Variants in ZRANB1 observed in about 807,000 individuals in gnomAD.
ZRANB1 encodes the protein ubiquitin thioesterase ZRANB1.
In ZRANB1, 16 loss-of-function variants were observed where a neutral mutation model predicts 80.5. The observed-to-expected ratio is 0.20, with a 90% CI of 0.13 to 0.30. The LOEUF (loss-of-function observed/expected upper bound fraction) is 0.30, where lower values mean the gene tolerates loss of function less well. Ranked by LOEUF, ZRANB1 falls within the 10% of genes least tolerant of loss-of-function variation. The pLI is 1.00. For missense variants in ZRANB1, 576 were observed against 862.6 expected, an observed-to-expected ratio of 0.67 and a Z score of 4.16; for synonymous variants, 291 against 293.1, an observed-to-expected ratio of 0.99 and a Z score of 0.07.
At position 124,942,520 on chromosome 10, in the gene ZRANB1, T is replaced by C. The variant is rs753302032; in HGVS notation, c.27T>C (p.Ala9=). 1.9e-6 allele frequency: 3 copies of C among 1,614,176 alleles called. No individual in the cohort carries two copies. The highest frequency in any genetic ancestry group is 2.5e-6 in the Non-Finnish European group (3 of 1,180,022). The change falls in exon 1 of 9, where the codon GCT becomes GCC. Residue 9 remains alanine, a synonymous_variant. Transcript: ENST00000359653. MSERGIKW[A]CEYCTYENWP... is the part of the protein sequence containing the mutation. ...TGTCAGAACGTGGAATTAAGTGGGCTTGTGAATATTGTACGTATGAAAACT... is the reference window on the plus strand; with the variant it reads ...TGTCAGAACGTGGAATTAAGTGGGCCTGTGAATATTGTACGTATGAAAACT...
At chr10:124,941,012 CA>C (rs987885487), upstream of ZRANB1, among the ~76,000 whole-genome samples, 1 of 151,054 alleles carries the variant, frequency 6.6e-6, no homozygotes, top group Non-Finnish European at 1.5e-5. Context: ...ACAACAACAA[CA>C]AAAAAACAAA....
chr10:124,918,262 C>G, the ZRANB1 span, among the ~76,000 whole-genome samples: 9 of 152,192 alleles, frequency 5.9e-5, no homozygotes, highest in African/African-American at 2.2e-4. Flanking sequence ...GCTATCTCGG[C>G]TCACCGCAAC....
intron 2 of ZRANB1, among the ~76,000 whole-genome samples, chr10:124,967,857 A>G (rs1414876855): frequency 6.6e-6 from 1 of 151,924 alleles, no homozygotes; most frequent in African/African-American, 2.4e-5. Context: ...GAGATTGTGT[A>G]TGAATTATTC....
At chr10:124,948,599 C>T (rs937375113) in intron 1 of ZRANB1, among the ~76,000 whole-genome samples, 2 of 151,046 alleles carry the variant, frequency 1.3e-5, no homozygotes, top group African/African-American at 2.4e-5. Flanking sequence ...CGCTTCTTTT[C>T]TCATGTATTG....
chr10:124,949,425 A>ATATATATATGTTTACACACATATG (rs1161260057), intron 1 of ZRANB1, among the ~76,000 whole-genome samples: 2 of 140,560 alleles, frequency 1.4e-5, no homozygotes, highest in African/African-American at 5.1e-5. Context: ...ATATATATGT[A>ATATATATATGTTTACACACATATG]TATATATATG....
At chr10:124,984,709 C>A in intron 8 of ZRANB1, 65 bp from the exon 9 acceptor site, 1 of 1,519,670 alleles carries the variant, frequency 6.6e-7, no homozygotes, top group Non-Finnish European at 9.0e-7. Flanking sequence ...GTTTCCATGT[C>A]ACATTCCTAC....
At chr10:124,919,157 A>G in the ZRANB1 span, among the ~76,000 whole-genome samples, 1 of 152,352 alleles carries the variant, frequency 6.6e-6, no homozygotes, top group Non-Finnish European at 1.5e-5. Context: ...TAGTTGTACA[A>G]TATATGAGGC....
intron 1 of ZRANB1, among the ~76,000 whole-genome samples, chr10:124,960,150 T>C (rs2134270895): frequency 6.6e-6 from 1 of 152,288 alleles, no homozygotes; most frequent in Admixed American, 6.5e-5. Flanking sequence ...ACATGGGGTC[T>C]GAAACTTTTG....
chr10:124,938,234 C>CA (rs1316411618), upstream of ZRANB1, among the ~76,000 whole-genome samples: 3 of 151,758 alleles, frequency 2.0e-5, no homozygotes, highest in East Asian at 5.8e-4. Flanking sequence ...TGTAATACTG[C>CA]AAAAAAACAC....
intron 2 of ZRANB1, among the ~76,000 whole-genome samples, chr10:124,971,390 GC>G (rs1951823627): frequency 1.3e-5 from 2 of 152,226 alleles, no homozygotes; most frequent in African/African-American, 4.8e-5. Flanking sequence ...TCAGAGGTTG[GC>G]AGTCTGTGTT....
At chr10:124,978,172 T>G (rs1436932590) in intron 5 of ZRANB1, among the ~76,000 whole-genome samples, 1 of 152,150 alleles carries the variant, frequency 6.6e-6, no homozygotes, top group African/African-American at 2.4e-5. Context: ...GTTCTTGTGT[T>G]GAGTTGCATT....
At chr10:124,954,171 A>C (rs1442742583) in intron 1 of ZRANB1, among the ~76,000 whole-genome samples, 8 of 48,728 alleles carry the variant, frequency 1.6e-4, no homozygotes, top group Non-Finnish European at 2.5e-4. Context: ...TTTTTTGTAG[A>C]GGCGGGGTTT....
At position 124,973,736 on chromosome 10, in the gene ZRANB1, G is replaced by A. The variant is rs1207003705; in HGVS notation, c.1228+20G>A. The A allele has an allele frequency of 6.2e-7, 1 of 1,602,408 alleles. No homozygotes were observed. Among genetic ancestry groups the A allele is most frequent in the Non-Finnish European group, 8.5e-7 (1 of 1,174,770 alleles). ...AAAAAGGTAAGCATGGAATTAATGA[G>A]TATAATTTACCTTTCATCTGATCAA... On this transcript the variant is annotated intron_variant, in intron 4 of 8. Transcript: ENST00000359653.
intron 5 of ZRANB1, among the ~76,000 whole-genome samples, chr10:124,979,233 T>C (rs1476407540): frequency 6.6e-6 from 1 of 152,210 alleles, no homozygotes; most frequent in Non-Finnish European, 1.5e-5. Flanking sequence ...TTAGCTGGGA[T>C]TGCAGGCACA....
At chr10:124,958,795 G>A (rs1418361711) in intron 1 of ZRANB1, among the ~76,000 whole-genome samples, 1 of 152,044 alleles carries the variant, frequency 6.6e-6, no homozygotes, top group Non-Finnish European at 1.5e-5. Flanking sequence ...TTTTTTCTGT[G>A]AGTTGTTGAT....
At chr10:124,923,493 C>T in the ZRANB1 span, among the ~76,000 whole-genome samples, 74 of 151,710 alleles carry the variant, frequency 4.9e-4, no homozygotes, top group East Asian at 1.9e-3. Flanking sequence ...CTTTGGGAGG[C>T]CAAGGCAGGA....
upstream of ZRANB1, among the ~76,000 whole-genome samples, chr10:124,938,138 T>G (rs754168915): frequency 5.9e-5 from 9 of 152,208 alleles, no homozygotes; most frequent in Non-Finnish European, 1.0e-4. Context: ...GAGTATTAAC[T>G]TTTAGAGCTG....
chr10:124,922,790 C>T, the ZRANB1 span, among the ~76,000 whole-genome samples: 1 of 152,048 alleles, frequency 6.6e-6, no homozygotes, highest in Non-Finnish European at 1.5e-5. Context: ...TGTGCCCAGC[C>T]TTGCCTGGCT....
the ZRANB1 span, among the ~76,000 whole-genome samples, chr10:124,921,731 T>TAGTA: frequency 1.3e-5 from 2 of 152,042 alleles, no homozygotes; most frequent in African/African-American, 4.8e-5. Flanking sequence ...TTTTCAGAAA[T>TAGTA]AGTAGGCATT....
Sources: allele counts gnomAD v4.1 joint callset (sites outside exome capture counted in the v4.1 genomes callset), GRCh38; gene constraint gnomAD v4.1.1; transcripts MANE v1.5; gene names NCBI Gene and HGNC (gene_info 2026-07-23, HGNC 2026-07-21).